BIRC6: variants seen among roughly 807,000 people sequenced by gnomAD.
BIRC6 encodes dual E2 ubiquitin-conjugating enzyme/E3 ubiquitin-protein ligase BIRC6.
Under a neutral mutation model 503.3 loss-of-function variants are expected in BIRC6, and 98 were observed. That is an observed-to-expected ratio of 0.19 (90% confidence interval 0.17 to 0.23). The LOEUF is 0.23. BIRC6 is among the 10% of genes least tolerant of loss of function. The pLI, the probability that BIRC6 is intolerant of heterozygous loss-of-function variation, is 1.00. For synonymous variants in BIRC6, 2,240 were observed against 2,078.7 expected (o/e 1.08, Z -2.11); for missense variants, 5,360 against 5,806.0 (o/e 0.92, Z 2.50).
intron 17 of BIRC6, among the ~76,000 whole-genome samples, chr2:32,441,767 C>T (rs1417733723): frequency 6.6e-6 from 1 of 152,044 alleles, no homozygotes; most frequent in Non-Finnish European, 1.5e-5. Flanking sequence ...GTAGGAGGAT[C>T]ACTTGAACCC....
At chr2:32,458,535 A>G (rs2047486480) in intron 23 of BIRC6, among the ~76,000 whole-genome samples, 1 of 151,138 alleles carries the variant, frequency 6.6e-6, no homozygotes, top group Non-Finnish European at 1.5e-5. Flanking sequence ...TACTTGTTCT[A>G]TCTTCTGCTA....
Position 32,493,638 on chromosome 2 carries a change from C to G in BIRC6, c.8439C>G (p.Leu2813=), listed in dbSNP as rs1192522836. 3 of 1,607,298 alleles carry G rather than the reference C, an allele frequency of 1.9e-6. No homozygotes were observed. Among genetic ancestry groups the G allele is most frequent in the South Asian group, 1.1e-5 (1 of 90,626 alleles). ...TCPQIFSEFL[L]KLIHILSTER... Reference sequence around the variant, plus strand: ...CTCAGATATTCAGTGAATTTTTGCTCAAGCTAATTCATATACTTTCAACTG... The same window carrying G: ...CTCAGATATTCAGTGAATTTTTGCTGAAGCTAATTCATATACTTTCAACTG... The change falls in exon 45 of 74, where the codon CTC becomes CTG. Residue 2813 remains leucine, a synonymous_variant. Transcript: ENST00000421745.
chr2:32,579,011 C>CT lies in BIRC6; in HGVS notation c.13355+3646dup, dbSNP rs1559094238. ...ATATACACTTAATATATATATATAC[C>CT]TAATATATATATACCTAATATATAT... On this transcript the variant is annotated intron_variant, in intron 66 of 73. Coordinates refer to ENST00000421745, the MANE Select transcript of BIRC6 (RefSeq NM_016252.4). 5.3e-3 allele frequency among the ~76,000 whole-genome samples: 194 copies of CT among 36,716 alleles called. 4 individuals carry two copies. Among genetic ancestry groups the CT allele is most frequent in the African/African-American group, 0.027 (168 of 6,254 alleles). 24.1% of individuals were successfully genotyped at this position (36,716 alleles called of 152,430 possible).
chr2:32,615,313 C>T (rs1388576893), intron 73 of BIRC6, among the ~76,000 whole-genome samples: 2 of 152,190 alleles, frequency 1.3e-5, no homozygotes, highest in African/African-American at 2.4e-5. Flanking sequence ...TTTTCTTTCT[C>T]CTTCCCTGGT....
At chr2:32,477,915 C>T (rs2049948677) in intron 35 of BIRC6, among the ~76,000 whole-genome samples, 1 of 151,838 alleles carries the variant, frequency 6.6e-6, no homozygotes, top group Non-Finnish European at 1.5e-5. Context: ...TTAAGGAAAT[C>T]TGATTTATAT....
chr2:32,507,475 C>T (rs1254805017), intron 50 of BIRC6, among the ~76,000 whole-genome samples: 1 of 152,112 alleles, frequency 6.6e-6, no homozygotes, highest in African/African-American at 2.4e-5. Flanking sequence ...TTTCTAAACT[C>T]AGCTGTGAGG....
At chr2:32,508,963 G>A (rs1244488753) in intron 51 of BIRC6, among the ~76,000 whole-genome samples, 1 of 151,886 alleles carries the variant, frequency 6.6e-6, no homozygotes, top group Non-Finnish European at 1.5e-5. Context: ...GTGCTGCTTG[G>A]GAGGCTGAGG....
chr2:32,454,359 G>A (rs2047014706), intron 23 of BIRC6, among the ~76,000 whole-genome samples: 1 of 152,066 alleles, frequency 6.6e-6, no homozygotes, highest in African/African-American at 2.4e-5. Flanking sequence ...AATATGTGAG[G>A]AACTATTTGG....
chr2:32,451,450 C>G (rs992611225), intron 22 of BIRC6, among the ~76,000 whole-genome samples: 2 of 151,980 alleles, frequency 1.3e-5, no homozygotes, highest in Non-Finnish European at 1.5e-5. Context: ...ACATTTTTAT[C>G]GATTGTGAAA....
intron 32 of BIRC6, 148 bp downstream of exon 32, chr2:32,471,272 T>C: frequency 1.0e-6 from 1 of 970,666 alleles, no homozygotes; most frequent in Non-Finnish European, 1.5e-6. Flanking sequence ...ACAAATGAAC[T>C]TCACTACAAT....
chr2:32,574,674 G>C (rs1396806886), intron 65 of BIRC6: 1 of 169,204 alleles, frequency 5.9e-6, no homozygotes, highest in Non-Finnish European at 1.3e-5. Flanking sequence ...GATGAGGTTG[G>C]TCTTGCTGTC....
intron 22 of BIRC6, among the ~76,000 whole-genome samples, chr2:32,450,818 T>C: frequency 6.6e-6 from 1 of 152,220 alleles, no homozygotes; most frequent in South Asian, 2.1e-4. Context: ...AAATCATTTC[T>C]ACATCACTTA....
At chr2:32,593,307 C>T (rs1167182933) in intron 66 of BIRC6, among the ~76,000 whole-genome samples, 1 of 152,084 alleles carries the variant, frequency 6.6e-6, no homozygotes, top group East Asian at 1.9e-4. Context: ...GTCCTATATA[C>T]TTAAACCTTG....
At chr2:32,390,372 G>A (rs987224381) in intron 4 of BIRC6, among the ~76,000 whole-genome samples, 5 of 151,974 alleles carry the variant, frequency 3.3e-5, no homozygotes, top group Admixed American at 1.3e-4. Context: ...GGGTTTCACC[G>A]TGTTAGCCAG....
rs141069187 is a variant in BIRC6 at position 32,476,337 on chromosome 2, C to T, written c.6845C>T (p.Thr2282Ile). The change falls in exon 34 of 74, where the codon ACT (threonine) becomes ATT (isoleucine). Residue 2282 changes from threonine to isoleucine, a missense_variant. Around this residue, in one of 16 missense-constraint regions of BIRC6, gnomAD observed 2,299 missense variants for 2,267.2 expected, o/e 1.01. Coordinates refer to ENST00000421745, the MANE Select transcript of BIRC6 (RefSeq NM_016252.4). ...LVEQAKLKQA[T>I]SKHFKDLIRL... ...GAACAAGCAAAACTAAAGCAGGCCA[C>T]TTCAAAGGTATGATCTATACTTTTC... is the stretch of plus-strand genomic sequence containing the variant. 9 of 1,577,488 alleles carry T rather than the reference C, an allele frequency of 5.7e-6. No homozygotes were observed. Among genetic ancestry groups the T allele is most frequent in the Non-Finnish European group, 5.2e-6 (6 of 1,160,344 alleles).
Position 32,531,618 on chromosome 2 carries a change from G to GT in BIRC6, c.12291+73dup, listed in dbSNP as rs376439555. ...AAGCCCTTCATTCTTTTTAATGTTT[G>GT]TTTTTTAATGTACTTGGATTAACTT... On this transcript the variant is annotated intron_variant, in intron 61 of 73. Coordinates refer to ENST00000421745, the MANE Select transcript of BIRC6 (RefSeq NM_016252.4). 401 of 1,312,872 alleles carry GT rather than the reference G, an allele frequency of 3.1e-4. No individual in the cohort carries two copies. The African/African-American group carries it at 5.5e-3, about 18-fold the overall frequency. 81.3% of individuals were successfully genotyped at this position (1,312,872 alleles called of 1,614,324 possible).
At chr2:32,502,353 A>G (rs185920265) in intron 47 of BIRC6, among the ~76,000 whole-genome samples, 39 of 152,298 alleles carry the variant, frequency 2.6e-4, no homozygotes, top group African/African-American at 7.5e-4. Context: ...TACAAATGAA[A>G]TTGTAGGAAC....
intron 59 of BIRC6, chr2:32,528,652 T>G (rs2056482312): frequency 6.6e-6 from 1 of 152,220 alleles, no homozygotes. Flanking sequence ...GTACTTAATG[T>G]ATGAATAAAT....
chr2:32,558,205 T>C (rs1181632809), intron 65 of BIRC6, among the ~76,000 whole-genome samples: 1 of 152,188 alleles, frequency 6.6e-6, no homozygotes, highest in African/African-American at 2.4e-5. Context: ...GAAAATATAA[T>C]GAAAATGTAG....
Sources: gnomAD v4.1 joint callset for allele counts (sites outside exome capture counted in the v4.1 genomes callset) on GRCh38, gnomAD v4.1.1 for gene constraint, gnomAD v4.1.1 regional missense constraint, MANE v1.5 for transcripts, NCBI Gene and HGNC (gene_info 2026-07-23, HGNC 2026-07-21) for gene names.